Variants in THEMIS observed in about 807,000 individuals in gnomAD.
THEMIS encodes protein THEMIS.
THEMIS carries 37 observed loss-of-function variants against 52.6 expected under a neutral mutation model. The ratio of observed to expected loss-of-function variants is 0.70; its 90% CI spans 0.54 to 0.93. THEMIS has a LOEUF of 0.93. Ranked by LOEUF, THEMIS falls within the 40% of genes least tolerant of loss-of-function variation. The pLI is 0.00. For synonymous variants in THEMIS, 292 were observed against 272.7 expected (o/e 1.07, Z -0.70); for missense variants, 808 against 763.1 (o/e 1.06, Z -0.69).
At chr6:127,785,241 T>TATCTATC (rs1776902125) in intron 4 of THEMIS, among the ~76,000 whole-genome samples, 1 of 151,278 alleles carries the variant, frequency 6.6e-6, no homozygotes, top group African/African-American at 2.4e-5. Flanking sequence ...TCTATCTATC[T>TATCTATC]ATCTATCTAT....
chr6:127,819,069 A>G (rs1778235256), intron 3 of THEMIS, among the ~76,000 whole-genome samples: 1 of 135,966 alleles, frequency 7.4e-6, no homozygotes, highest in Non-Finnish European at 1.5e-5. Flanking sequence ...GCAGTGACCC[A>G]AGATCATGCC....
At chr6:127,879,963 T>G (rs985105003) in intron 1 of THEMIS, among the ~76,000 whole-genome samples, 3 of 152,132 alleles carry the variant, frequency 2.0e-5, no homozygotes, top group Admixed American at 6.6e-5. Flanking sequence ...CTCCCCCGGG[T>G]GTAGCCCAGT....
intron 2 of THEMIS, among the ~76,000 whole-genome samples, chr6:127,837,730 C>T (rs1778918510): frequency 1.3e-5 from 2 of 151,972 alleles, no homozygotes. Flanking sequence ...AAAATTCTGA[C>T]ATTTTTTAAC....
intron 3 of THEMIS, among the ~76,000 whole-genome samples, chr6:127,828,319 A>AT (rs1344962992): frequency 1.3e-5 from 2 of 152,210 alleles, no homozygotes; most frequent in East Asian, 3.8e-4. Context: ...TCAACTGCAC[A>AT]TTTGGGGATC....
In THEMIS at chr6:127,813,073, G is replaced by A. The variant is rs777955245; in HGVS notation, c.1568C>T (p.Ala523Val). The change falls in exon 4 of 6, where the codon GCA becomes GTA. Residue 523 changes from alanine to valine, a missense_variant. Coordinates refer to ENST00000368248, the MANE Select transcript of THEMIS (RefSeq NM_001010923.3). ...VQLVSNFSRDAEPFLVRTLVE... is the reference protein window; with the variant it reads ...VQLVSNFSRDVEPFLVRTLVE... ...CAGAGTCCTGACTAGAAATGGTTCT[G>A]CATCCCTAGAGAAATTACTAACTAA... 8.7e-6 allele frequency: 14 copies of A among 1,613,962 alleles called. No homozygotes were observed. The African/African-American group carries it at 1.5e-4, about 17-fold the overall frequency.
chr6:127,707,286 G>T (rs1445176420), downstream of THEMIS, among the ~76,000 whole-genome samples: 1 of 152,096 alleles, frequency 6.6e-6, no homozygotes, highest in East Asian at 1.9e-4. Context: ...AGGTCAGCAT[G>T]ACTTGAGCAA....
chr6:127,741,452 C>G (rs954638453), intron 4 of THEMIS, among the ~76,000 whole-genome samples: 1 of 151,862 alleles, frequency 6.6e-6, no homozygotes, highest in African/African-American at 2.4e-5. Context: ...TATTATGTAC[C>G]ACACTCCATA....
At chr6:127,751,133 G>A (rs1345848718) in intron 4 of THEMIS, among the ~76,000 whole-genome samples, 1 of 151,508 alleles carries the variant, frequency 6.6e-6, no homozygotes, top group African/African-American at 2.4e-5. Flanking sequence ...AAAAACAAAA[G>A]TATTAAAAGT....
chr6:127,843,791 T>C (rs1037760923), intron 2 of THEMIS, among the ~76,000 whole-genome samples: 1 of 151,928 alleles, frequency 6.6e-6, no homozygotes, highest in African/African-American at 2.4e-5. Flanking sequence ...GTCTTGGGCT[T>C]GTTTCCACTC....
chr6:127,815,935 G>A (rs1055686505), intron 3 of THEMIS, among the ~76,000 whole-genome samples: 2 of 152,102 alleles, frequency 1.3e-5, no homozygotes, highest in Non-Finnish European at 2.9e-5. Context: ...GCTGTGGGCT[G>A]GGAATAGCTT....
At chr6:127,728,692 C>T (rs1774638092) in intron 4 of THEMIS, among the ~76,000 whole-genome samples, 2 of 152,110 alleles carry the variant, frequency 1.3e-5, no homozygotes, top group Non-Finnish European at 1.5e-5. Flanking sequence ...CCCTGCCCTC[C>T]TTGTGTTTAC....
intron 4 of THEMIS, among the ~76,000 whole-genome samples, chr6:127,728,099 A>G (rs1562218172): frequency 6.6e-6 from 1 of 152,128 alleles, no homozygotes; most frequent in Non-Finnish European, 1.5e-5. Flanking sequence ...CATGACATCA[A>G]CAGACCTTAA....
chr6:127,777,952 A>G lies in THEMIS; in HGVS notation c.1758+34931T>C, dbSNP rs1298461627. ...AGAATCTACTCTTTGCACAATCAAG[A>G]TTGTAGGAATGCTGTTCTACTTACT... On this transcript the variant is annotated intron_variant, in intron 4 of 5. Transcript: ENST00000368248. 1.4e-4 allele frequency among the ~76,000 whole-genome samples: 22 copies of G among 152,218 alleles called. 1 individual carries two copies. The East Asian group carries it at 3.7e-3, about 25-fold the overall frequency.
chr6:127,900,093 C>T (rs156064), intron 1 of THEMIS, among the ~76,000 whole-genome samples: 91,864 of 151,238 alleles, frequency 0.61, 28,472 homozygotes, highest in South Asian at 0.73. Context: ...AATTCTACCA[C>T]TCTTGAGGCC....
At chr6:127,822,698 A>T (rs1039305608) in intron 3 of THEMIS, among the ~76,000 whole-genome samples, 1 of 152,158 alleles carries the variant, frequency 6.6e-6, no homozygotes, top group African/African-American at 2.4e-5. Flanking sequence ...TTATTCAAAC[A>T]CTAACCTAGG....
intron 4 of THEMIS, among the ~76,000 whole-genome samples, chr6:127,774,731 C>G (rs1235396683): frequency 1.3e-5 from 2 of 152,160 alleles, no homozygotes; most frequent in Non-Finnish European, 2.9e-5. Flanking sequence ...ATAACACTTA[C>G]CAATCTGCCT....
intron 1 of THEMIS, among the ~76,000 whole-genome samples, chr6:127,906,941 A>G (rs1411861535): frequency 6.7e-6 from 1 of 148,680 alleles, no homozygotes; most frequent in Non-Finnish European, 1.5e-5. Context: ...GAACTGTCTG[A>G]ATGTTAAAAA....
At chr6:127,882,698 T>C (rs1780522051) in intron 1 of THEMIS, among the ~76,000 whole-genome samples, 1 of 151,920 alleles carries the variant, frequency 6.6e-6, no homozygotes, top group Admixed American at 6.5e-5. Flanking sequence ...TTGAGTCTAA[T>C]GAAAAAATAT....
At chr6:127,824,047 C>T (rs560241223) in intron 3 of THEMIS, among the ~76,000 whole-genome samples, 4 of 152,184 alleles carry the variant, frequency 2.6e-5, no homozygotes, top group African/African-American at 9.6e-5. Context: ...AGACATAAGA[C>T]CCCTGGAAAG....
Sources: gnomAD v4.1 joint callset for allele counts (sites outside exome capture counted in the v4.1 genomes callset) on GRCh38, gnomAD v4.1.1 for gene constraint, MANE v1.5 for transcripts, NCBI Gene and HGNC (gene_info 2026-07-23, HGNC 2026-07-21) for gene names.